TUBGCP3: variants seen among roughly 807,000 people sequenced by gnomAD.
TUBGCP3 encodes tubulin gamma complex component 3, also known as gamma-tubulin complex component 3.
TUBGCP3 carries 50 observed loss-of-function variants against 123.1 expected under a neutral mutation model. That is an observed-to-expected ratio of 0.41 (90% CI 0.32 to 0.51). TUBGCP3 has a LOEUF of 0.51. TUBGCP3 is among the 20% of genes least tolerant of loss of function. The pLI, the probability that TUBGCP3 is intolerant of heterozygous loss-of-function variation, is 0.36. For synonymous variants in TUBGCP3, 405 were observed against 413.9 expected (o/e 0.98, Z 0.26); for missense variants, 882 against 1,127.0 (o/e 0.78, Z 3.11).
intron 3 of TUBGCP3, among the ~76,000 whole-genome samples, chr13:112,560,716 A>G (rs1336978213): frequency 6.6e-6 from 1 of 152,236 alleles, no homozygotes; most frequent in East Asian, 1.9e-4. Flanking sequence ...TTCTTTTAAA[A>G]GTAAGCTCAT....
intron 14 of TUBGCP3, chr13:112,521,967 C>T: frequency 2.2e-6 from 1 of 464,778 alleles, no homozygotes; most frequent in Non-Finnish European, 2.8e-6. Context: ...TAAAATTCAA[C>T]TTTAAAATAT....
At chr13:112,505,515 C>G (rs747068984) in intron 17 of TUBGCP3, among the ~76,000 whole-genome samples, 1 of 152,198 alleles carries the variant, frequency 6.6e-6, no homozygotes, top group Non-Finnish European at 1.5e-5. Flanking sequence ...CCTCTCAAGA[C>G]AGTAAAGAAG....
chr13:112,590,067 C>G (rs767938042), upstream of TUBGCP3, among the ~76,000 whole-genome samples: 10 of 151,820 alleles, frequency 6.6e-5, no homozygotes, highest in Non-Finnish European at 1.5e-4. Flanking sequence ...AACTCCACCT[C>G]CTGGGTTCAC....
chr13:112,545,598 T>C lies in TUBGCP3; in HGVS notation c.1335+101A>G. 1 of 1,389,922 alleles carries C rather than the reference T, an allele frequency of 7.2e-7. No individual in the cohort carries two copies. Among genetic ancestry groups the C allele is most frequent in the Non-Finnish European group, 1.0e-6 (1 of 994,424 alleles). The allele number at this position is 1,389,922 out of a possible 1,614,324, so 86.1% of individuals were successfully genotyped here. A position where few individuals can be genotyped will look rare whatever the true frequency, so the allele number is the denominator to read the frequency against. On this transcript the variant is annotated intron_variant, in intron 11 of 21. Transcript: ENST00000261965. This position sits in a 1 kb window ranked among gnomAD's most constrained non-coding sequence, Gnocchi z 4.1. ...TTCAATGGAAGTGCAGTTGCATTCC[T>C]GTTAGGAGAACATGGTAATCATGAG...
At chr13:112,558,103 A>G in intron 5 of TUBGCP3, 93 bp downstream of exon 5, 5 of 1,361,436 alleles carry the variant, frequency 3.7e-6, no homozygotes, top group Non-Finnish European at 4.0e-6. Context: ...GGCCCCACTG[A>G]TACTGTGGGT....
At chr13:112,531,303 T>C (rs1877552041) in intron 11 of TUBGCP3, among the ~76,000 whole-genome samples, 1 of 152,230 alleles carries the variant, frequency 6.6e-6, no homozygotes, top group Non-Finnish European at 1.5e-5. Context: ...TGTAAATGAC[T>C]GAAGCATTCA....
chr13:112,506,105 G>A (rs1881289986), intron 17 of TUBGCP3, among the ~76,000 whole-genome samples: 1 of 152,196 alleles, frequency 6.6e-6, no homozygotes, highest in South Asian at 2.1e-4. Flanking sequence ...TTGCTTTCAA[G>A]GAGGCAGAAG....
chr13:112,547,050 C>T (rs2139175035), intron 10 of TUBGCP3: 1 of 170,452 alleles, frequency 5.9e-6, no homozygotes, highest in Non-Finnish European at 1.2e-5. Flanking sequence ...CAAGGTAGCA[C>T]AAACAATGAG....
intron 3 of TUBGCP3, 93 bp downstream of exon 3, chr13:112,565,018 A>C (rs1880845641): frequency 8.9e-7 from 1 of 1,125,548 alleles, no homozygotes; most frequent in African/African-American, 1.6e-5. Context: ...AGAAAAGTTT[A>C]ATATGATACC....
chr13:112,559,944 G>A (rs1371392883), intron 3 of TUBGCP3, among the ~76,000 whole-genome samples: 1 of 151,838 alleles, frequency 6.6e-6, no homozygotes, highest in African/African-American at 2.4e-5. Context: ...AGACCAGCCT[G>A]GCCAACATGG....
At chr13:112,551,059 A>G (rs747078525) in intron 8 of TUBGCP3, among the ~76,000 whole-genome samples, 6 of 152,168 alleles carry the variant, frequency 3.9e-5, no homozygotes, top group Non-Finnish European at 8.8e-5. Flanking sequence ...AGATCGCGCC[A>G]CTGCACTCCA....
intron 1 of TUBGCP3, among the ~76,000 whole-genome samples, chr13:112,579,270 C>G (rs898577462): frequency 6.6e-6 from 1 of 152,394 alleles, no homozygotes; most frequent in East Asian, 1.9e-4. Flanking sequence ...ACCACTAACA[C>G]TGCTGAGTGC....
chr13:112,548,906 C>T (rs1280305479), intron 8 of TUBGCP3, among the ~76,000 whole-genome samples: 1 of 152,282 alleles, frequency 6.6e-6, no homozygotes, highest in African/African-American at 2.4e-5. Context: ...ACTAGTTCAA[C>T]CATTGTGGAA....
At chr13:112,504,466 C>A (rs111734235) in intron 18 of TUBGCP3, among the ~76,000 whole-genome samples, 160 bp downstream of exon 18, 3 of 134,760 alleles carry the variant, frequency 2.2e-5, no homozygotes, top group African/African-American at 5.7e-5. Flanking sequence ...CCAGCCTAGG[C>A]GACAGCAAGA....
rs1443793772 is a variant in TUBGCP3, at chr13:112,522,416, T to C, written c.1649A>G (p.Asn550Ser). 3.7e-6 allele frequency: 6 copies of C among 1,614,226 alleles called. No individual in the cohort carries two copies. In the South Asian group the frequency reaches 4.4e-5, roughly 12 times the overall value. ...GTGGTCCAGCAAGCTGTACTTTTTA[T>C]TGAGAACATCCAACAGGTATTTGCT... is the stretch of plus-strand genomic sequence containing the variant. The part of the protein sequence containing the change: ...ETSKYLLDVL[N>S]KKYSLLDHMQ... Residue 550 changes from asparagine to serine, a missense_variant, in exon 14 of 22, where the codon AAT becomes AGT. Physicochemically the swap from Asn to Ser is conservative, Grantham distance 46. Transcript: ENST00000261965.
At chr13:112,530,116 C>G (rs1877458922) in intron 11 of TUBGCP3, among the ~76,000 whole-genome samples, 1 of 152,144 alleles carries the variant, frequency 6.6e-6, no homozygotes, top group Admixed American at 6.5e-5. Context: ...AGGATGGCCT[C>G]AGTTGATTTC....
intron 3 of TUBGCP3, among the ~76,000 whole-genome samples, chr13:112,563,551 A>C (rs1309113486): frequency 6.6e-6 from 1 of 152,062 alleles, no homozygotes; most frequent in East Asian, 1.9e-4. Flanking sequence ...TTTGGAAAAC[A>C]ACCATTTTAA....
chr13:112,517,771 AT>A (rs1452298624), intron 16 of TUBGCP3, among the ~76,000 whole-genome samples: 3 of 152,094 alleles, frequency 2.0e-5, no homozygotes, highest in Non-Finnish European at 4.4e-5. Flanking sequence ...TGTGCCTGTA[AT>A]CCTAGCTACT....
chr13:112,572,222 G>A (rs901418205), intron 1 of TUBGCP3, among the ~76,000 whole-genome samples: 3 of 152,178 alleles, frequency 2.0e-5, no homozygotes, highest in Non-Finnish European at 4.4e-5. Flanking sequence ...TAAAGTGAGA[G>A]GCATGTGACT....
Sources: gnomAD v4.1 joint callset for allele counts (sites outside exome capture counted in the v4.1 genomes callset) on GRCh38, gnomAD v4.1.1 for gene constraint, Gnocchi (gnomAD v3.1) non-coding constraint, MANE v1.5 for transcripts, NCBI Gene and HGNC (gene_info 2026-07-23, HGNC 2026-07-21) for gene names.